The following CFAP95 variants were observed in gnomAD, a reference collection of about 807,000 sequenced individuals.
CFAP95 encodes the protein cilia and flagella associated protein 95.
the CFAP95 span, among the ~76,000 whole-genome samples, chr9:69,901,168 T>C: frequency 1.3e-5 from 2 of 151,368 alleles, no homozygotes; most frequent in African/African-American, 2.4e-5. Flanking sequence ...GATGGAGTCT[T>C]GCTCTGTCGC....
the CFAP95 span, among the ~76,000 whole-genome samples, chr9:69,865,750 T>C: frequency 2.0e-5 from 3 of 152,208 alleles, no homozygotes; most frequent in African/African-American, 7.2e-5. Context: ...ATTCTTCTTA[T>C]ACAAGCTGAT....
At chr9:69,898,271 A>C in the CFAP95 span, among the ~76,000 whole-genome samples, 1 of 152,076 alleles carries the variant, frequency 6.6e-6, no homozygotes, top group South Asian at 2.1e-4. Context: ...TGACATTGCA[A>C]CACTCTCTCC....
At chr9:69,847,636 A>G in the CFAP95 span, among the ~76,000 whole-genome samples, 1 of 152,212 alleles carries the variant, frequency 6.6e-6, no homozygotes, top group African/African-American at 2.4e-5. Flanking sequence ...CATCTTAGCC[A>G]TAACTTCTGT....
At chr9:69,900,640 T>C in the CFAP95 span, among the ~76,000 whole-genome samples, 16 of 152,222 alleles carry the variant, frequency 1.1e-4, no homozygotes, top group Admixed American at 6.5e-5. Flanking sequence ...GTGACTCTTA[T>C]GCAGCCCCAG....
At chr9:69,840,887 TC>T in the CFAP95 span, among the ~76,000 whole-genome samples, 9 of 151,882 alleles carry the variant, frequency 5.9e-5, no homozygotes, top group Non-Finnish European at 1.2e-4. Flanking sequence ...ATTAGCTCAG[TC>T]CCCCAAAGAA....
the CFAP95 span, among the ~76,000 whole-genome samples, chr9:69,849,593 T>C: frequency 6.6e-6 from 1 of 152,068 alleles, no homozygotes; most frequent in Non-Finnish European, 1.5e-5. Context: ...AGGAAGAACA[T>C]CAGGATGCTG....
At chr9:69,888,605 G>T in the CFAP95 span, among the ~76,000 whole-genome samples, 2 of 152,176 alleles carry the variant, frequency 1.3e-5, no homozygotes, top group Non-Finnish European at 2.9e-5. Flanking sequence ...GCTAGGCAGG[G>T]TGGCTCAGGC....
chr9:69,835,967 C>A, the CFAP95 span, among the ~76,000 whole-genome samples: 3 of 152,166 alleles, frequency 2.0e-5, no homozygotes, highest in East Asian at 1.9e-4. Flanking sequence ...TGGCTTGGGG[C>A]AGCCTTGGGG....
At chr9:69,836,901 C>A in the CFAP95 span, among the ~76,000 whole-genome samples, 2 of 134,564 alleles carry the variant, frequency 1.5e-5, no homozygotes, top group Non-Finnish European at 3.1e-5. Context: ...CCACAACAGT[C>A]CCCAGAGTGT....
the CFAP95 span, among the ~76,000 whole-genome samples, chr9:69,866,383 G>T: frequency 6.6e-6 from 1 of 152,170 alleles, no homozygotes. Flanking sequence ...GGAAGATGAT[G>T]GTGTAACTCC....
the CFAP95 span, among the ~76,000 whole-genome samples, chr9:69,876,026 A>T: frequency 1.3e-5 from 2 of 152,202 alleles, no homozygotes; most frequent in African/African-American, 2.4e-5. Flanking sequence ...AACATTTTTT[A>T]AAAAAGAGTT....
the CFAP95 span, among the ~76,000 whole-genome samples, chr9:69,830,174 G>A: frequency 1.3e-5 from 2 of 152,112 alleles, no homozygotes; most frequent in Non-Finnish European, 2.9e-5. Flanking sequence ...CTTACATCTT[G>A]ATCCCACAAA....
chr9:69,873,506 T>A, the CFAP95 span, among the ~76,000 whole-genome samples: 2 of 152,176 alleles, frequency 1.3e-5, no homozygotes, highest in African/African-American at 4.8e-5. Flanking sequence ...GATTGCGGCC[T>A]CACCTGCACA....
the CFAP95 span, among the ~76,000 whole-genome samples, chr9:69,855,172 GC>G: frequency 1.3e-5 from 2 of 152,114 alleles, no homozygotes; most frequent in Admixed American, 1.3e-4. Flanking sequence ...ACATTGTCTG[GC>G]ACAGAATAAG....
At chr9:69,841,104 A>C in the CFAP95 span, among the ~76,000 whole-genome samples, 3 of 146,776 alleles carry the variant, frequency 2.0e-5, no homozygotes, top group Admixed American at 2.1e-4. Flanking sequence ...TTCCATTAAA[A>C]AAAAAGTTTA....
At chr9:69,856,750 G>T in the CFAP95 span, 1 of 906,440 alleles carries the variant, frequency 1.1e-6, no homozygotes, top group Non-Finnish European at 1.7e-6. Context: ...AAAAGGTATA[G>T]TGACCCCAGT....
chr9:69,837,124 C>A, the CFAP95 span, among the ~76,000 whole-genome samples: 1 of 151,914 alleles, frequency 6.6e-6, no homozygotes, highest in Non-Finnish European at 1.5e-5. Context: ...TTAATCCAGT[C>A]TATCATTGTT....
At chr9:69,852,052 C>A in the CFAP95 span, among the ~76,000 whole-genome samples, 2 of 152,076 alleles carry the variant, frequency 1.3e-5, no homozygotes, top group Non-Finnish European at 2.9e-5. Context: ...CTTTACATGG[C>A]ACTGCTGAGT....
chr9:69,883,685 A>T, the CFAP95 span, among the ~76,000 whole-genome samples: 2 of 152,040 alleles, frequency 1.3e-5, no homozygotes, highest in Non-Finnish European at 2.9e-5. Flanking sequence ...AGTTTCCTGT[A>T]GTAGCCACTA....
Sources: allele counts gnomAD v4.1 joint callset (sites outside exome capture counted in the v4.1 genomes callset), GRCh38; gene constraint gnomAD v4.1.1; transcripts MANE v1.5; gene names NCBI Gene and HGNC (gene_info 2026-07-23, HGNC 2026-07-21).